The following KATNB1 variants were observed in gnomAD, a reference collection of about 807,000 sequenced individuals.
The protein encoded by KATNB1 is katanin regulatory subunit B1, also known as katanin p80 WD40 repeat-containing subunit B1.
KATNB1 carries 38 observed loss-of-function variants against 82.3 expected under a neutral mutation model. That is an observed-to-expected ratio of 0.46 (90% CI 0.36 to 0.61). The LOEUF is 0.61. Ranked by LOEUF, KATNB1 falls within the 20% of genes least tolerant of loss-of-function variation. KATNB1 has a pLI of 0.00. For missense variants in KATNB1, 749 were observed against 915.7 expected (o/e 0.82, Z 2.35); for synonymous variants, 361 against 368.7 (o/e 0.98, Z 0.24).
At chr16:57,755,813 C>T in intron 16 of KATNB1, 28 bp from the exon 17 acceptor site, 4 of 1,562,244 alleles carry the variant, frequency 2.6e-6, no homozygotes, top group Non-Finnish European at 3.5e-6. Flanking sequence ...CCCACTGCCC[C>T]ACCCCTGACG....
chr16:57,741,918 G>A, intron 3 of KATNB1, 101 bp downstream of exon 3: 1 of 1,380,616 alleles, frequency 7.2e-7, no homozygotes, highest in Non-Finnish European at 9.9e-7. Flanking sequence ...AGACTCTCTT[G>A]AGCCCAGGGC....
chr16:57,739,151 C>T (rs2049124712), intron 2 of KATNB1, among the ~76,000 whole-genome samples: 1 of 152,168 alleles, frequency 6.6e-6, no homozygotes. Flanking sequence ...GGCTGCCGTG[C>T]TTTATCATAA....
rs201626477 is a variant in KATNB1, at chr16:57,753,103, C to A, written c.882C>A (p.Asn294Lys). The A allele has an allele frequency of 6.2e-7, 1 of 1,606,500 alleles. No individual in the cohort carries two copies. Among genetic ancestry groups the A allele is most frequent in the Non-Finnish European group, 8.5e-7 (1 of 1,176,256 alleles). Residue 294 changes from asparagine to lysine, a missense_variant, in exon 11 of 20, where the codon AAC (asparagine) becomes AAA (lysine). Around this residue, in one of 3 missense-constraint regions of KATNB1, gnomAD observed 407 missense variants for 434.7 expected, o/e 0.94. Coordinates refer to ENST00000379661, the MANE Select transcript of KATNB1 (RefSeq NM_005886.3). Reference protein sequence around the residue: ...QLIGVAFSQSNVSSYVVDLTR... With the variant: ...QLIGVAFSQSKVSSYVVDLTR... ...TAGGTGTGGCCTTCTCCCAGAGCAA[C>A]GTCTCCTCCTACGTGGTGGATCTGA...
chr16:57,745,875 T>G (rs1427608804), intron 4 of KATNB1, among the ~76,000 whole-genome samples: 1 of 152,098 alleles, frequency 6.6e-6, no homozygotes, highest in Non-Finnish European at 1.5e-5. Context: ...GTAAAGCTCC[T>G]CCTGTTTCTT....
Position 57,754,916 on chromosome 16 carries a change from C to A in KATNB1, c.1229-14C>A. 1.2e-6 allele frequency: 2 copies of A among 1,613,946 alleles called. No homozygotes were observed. Among genetic ancestry groups the A allele is most frequent in the Non-Finnish European group, 1.7e-6 (2 of 1,180,012 alleles). On this transcript the variant is annotated splice_polypyrimidine_tract_variant and intron_variant, in intron 13 of 19. Transcript: ENST00000379661. ...TTCTGGCCGGACCCAGTCATCTTTT[C>A]CTTTTGCCTCCAGACGCAGCCACAG...
intron 2 of KATNB1, among the ~76,000 whole-genome samples, chr16:57,739,763 T>G (rs1192775172): frequency 1.3e-5 from 2 of 152,078 alleles, no homozygotes; most frequent in Admixed American, 1.3e-4. Context: ...AAGTCTGCGG[T>G]TTTGCCAGCT....
At chr16:57,741,226 G>C (rs2049139348) in intron 2 of KATNB1, among the ~76,000 whole-genome samples, 1 of 152,234 alleles carries the variant, frequency 6.6e-6, no homozygotes, top group South Asian at 2.1e-4. Flanking sequence ...ACAAGCAGCA[G>C]CTGAGAGGTG....
intron 19 of KATNB1, 145 bp downstream of exon 19, chr16:57,756,617 G>T: frequency 8.6e-7 from 1 of 1,167,868 alleles, no homozygotes; most frequent in Non-Finnish European, 1.2e-6. Flanking sequence ...TCAGGGTGTG[G>T]GTGGGCTTAG....
chr16:57,750,741 G>A (rs543059194), intron 4 of KATNB1, 86 bp from the exon 5 acceptor site: 25 of 955,884 alleles, frequency 2.6e-5, no homozygotes, highest in Admixed American at 2.1e-4. Flanking sequence ...ATCCAAAAGC[G>A]CACACACAAA....
Position 57,756,021 on chromosome 16 carries a change from C to T in KATNB1, c.1673C>T (p.Thr558Ile), listed in dbSNP as rs1555586111. ...CTGTGGAAGCTGGACCTGTGCACCA[C>T]CGTCCTGCCACAGATTGAGAAGCTT... ...ASLWKLDLCT[T>I]VLPQIEKLLQ... Residue 558 changes from threonine (T) to isoleucine (I), a missense_variant, in exon 18 of 20, where the codon ACC (threonine) becomes ATC (isoleucine). This residue lies in a region of KATNB1 where 95 missense variants were observed against 131.6 expected (regional missense o/e 0.72). Coordinates refer to ENST00000379661, the MANE Select transcript of KATNB1 (RefSeq NM_005886.3). 1.2e-6 allele frequency: 2 copies of T among 1,612,154 alleles called. No homozygotes were observed. Among genetic ancestry groups the T allele is most frequent in the Admixed American group, 1.7e-5 (1 of 60,018 alleles).
intron 4 of KATNB1, among the ~76,000 whole-genome samples, chr16:57,744,719 G>GTGTGTGTGTGTGTGTGTGTTTGGA (rs2049170414): frequency 4.3e-5 from 1 of 23,292 alleles, no homozygotes; most frequent in Non-Finnish European, 2.9e-4. Flanking sequence ...GGATGTGCGG[G>GTGTGTGTGTGTGTGTGTGTTTGGA]TGTGTGTGTG....
At chr16:57,747,962 A>G (rs1555581875) in intron 4 of KATNB1, among the ~76,000 whole-genome samples, 2 of 152,126 alleles carry the variant, frequency 1.3e-5, no homozygotes, top group African/African-American at 4.8e-5. Flanking sequence ...ACTCATTACG[A>G]ACTCACGGCC....
chr16:57,750,475 A>T (rs2049217752), intron 4 of KATNB1, among the ~76,000 whole-genome samples: 1 of 152,232 alleles, frequency 6.6e-6, no homozygotes, highest in South Asian at 2.1e-4. Context: ...AATATAAAAA[A>T]ATTAGCCGGG....
At position 57,738,416 on chromosome 16, in the gene KATNB1, C is replaced by T. The variant is rs532400390; in HGVS notation, c.40+1133C>T. ...GATCACAGGCACCCGCCACCACACC[C>T]GGCTAATTTTTGTATTTTTAGTAGA... On this transcript the variant is annotated intron_variant, in intron 2 of 19. Transcript: ENST00000379661. Among the ~76,000 whole-genome samples, 84 of 152,106 alleles carry T rather than the reference C, an allele frequency of 5.5e-4. No homozygotes were observed. In the South Asian group the frequency reaches 0.011, roughly 20 times the overall value.
intron 1 of KATNB1, among the ~76,000 whole-genome samples, chr16:57,736,356 A>T (rs2049099564): frequency 6.6e-6 from 1 of 152,140 alleles, no homozygotes; most frequent in Admixed American, 6.5e-5. Context: ...GCTCATGGGA[A>T]AGAGGTGAAG....
intron 3 of KATNB1, among the ~76,000 whole-genome samples, chr16:57,743,227 A>C (rs1555580255): frequency 6.6e-6 from 1 of 152,222 alleles, no homozygotes; most frequent in Admixed American, 6.5e-5. Flanking sequence ...TGGGAGACGG[A>C]GGTTGCAGTA....
At position 57,752,926 on chromosome 16, in the gene KATNB1, T is replaced by A. The variant is rs1366865354; in HGVS notation, c.853T>A (p.Leu285Met). The change falls in exon 10 of 20, where the codon TTG becomes ATG. Residue 285 changes from leucine to methionine, a missense_variant and splice_region_variant. By Grantham distance (15) the Leu-to-Met change is conservative (BLOSUM62 2). Around this residue, in one of 3 missense-constraint regions of KATNB1, gnomAD observed 407 missense variants for 434.7 expected, o/e 0.94. Coordinates refer to ENST00000379661, the MANE Select transcript of KATNB1 (RefSeq NM_005886.3). ...CGACCTGGCCATCTGCAATGACCAG[T>A]TGGTGAGAGAGCCATGGCACCCACC... ...VADLAICNDQ[L>M]IGVAFSQSNV... 1 of 1,603,080 alleles carries A rather than the reference T, an allele frequency of 6.2e-7. No individual in the cohort carries two copies. The highest frequency in any genetic ancestry group is 8.5e-7 in the Non-Finnish European group (1 of 1,179,638).
intron 13 of KATNB1, among the ~76,000 whole-genome samples, chr16:57,754,423 A>G (rs2049258750): frequency 6.6e-6 from 1 of 152,172 alleles, no homozygotes; most frequent in Non-Finnish European, 1.5e-5. Flanking sequence ...GGGAGCTGAG[A>G]GGAGGTGAGC....
chr16:57,740,852 G>C (rs1174272897), intron 2 of KATNB1, among the ~76,000 whole-genome samples: 1 of 152,086 alleles, frequency 6.6e-6, no homozygotes, highest in African/African-American at 2.4e-5. Flanking sequence ...CCACCCTCTG[G>C]TGCCCGCCCA....
Sources: gnomAD v4.1 joint callset for allele counts (sites outside exome capture counted in the v4.1 genomes callset) on GRCh38, gnomAD v4.1.1 for gene constraint, gnomAD v4.1.1 regional missense constraint, MANE v1.5 for transcripts, NCBI Gene and HGNC (gene_info 2026-07-23, HGNC 2026-07-21) for gene names.